Variants in CABLES1 observed in about 807,000 individuals in gnomAD.
CABLES1 encodes the protein Cdk5 and Abl enzyme substrate 1, also known as CDK5 and ABL1 enzyme substrate 1.
CABLES1 carries 36 observed loss-of-function variants against 57.8 expected under a neutral mutation model. The ratio of observed to expected loss-of-function variants is 0.62; its 90% confidence interval spans 0.48 to 0.82. CABLES1 has a LOEUF of 0.82. Ranked by LOEUF, CABLES1 falls within the 40% of genes least tolerant of loss-of-function variation. The probability of loss-of-function intolerance (pLI) is 0.00; values close to 1 mark genes in which losing one functional copy is unlikely to be tolerated. For missense variants in CABLES1, 767 were observed against 836.6 expected (o/e 0.92, Z 1.03); for synonymous variants, 374 against 363.0 (o/e 1.03, Z -0.35).
chr18:23,217,997 T>C (rs757566425), intron 4 of CABLES1, among the ~76,000 whole-genome samples: 2 of 152,222 alleles, frequency 1.3e-5, no homozygotes, highest in African/African-American at 2.4e-5. Context: ...CATGTTTCCA[T>C]TGTACTCATG....
chr18:23,239,196 A>G (rs1484706862), intron 7 of CABLES1, among the ~76,000 whole-genome samples: 2 of 152,222 alleles, frequency 1.3e-5, no homozygotes, highest in Admixed American at 1.3e-4. Flanking sequence ...ACTGTGCTAG[A>G]AGACTTGCCA....
intron 1 of CABLES1, among the ~76,000 whole-genome samples, chr18:23,174,460 G>A (rs2047105894): frequency 6.6e-6 from 1 of 151,648 alleles, no homozygotes; most frequent in Non-Finnish European, 1.5e-5. Context: ...GGTCATATGG[G>A]GTGACTCTGT....
intron 9 of CABLES1, among the ~76,000 whole-genome samples, chr18:23,254,434 C>T (rs2048114715): frequency 6.6e-6 from 1 of 152,162 alleles, no homozygotes; most frequent in Non-Finnish European, 1.5e-5. Flanking sequence ...TACATGAATG[C>T]CTGTTTTAGA....
intron 1 of CABLES1, among the ~76,000 whole-genome samples, chr18:23,161,698 C>T (rs1037387716): frequency 1.4e-5 from 2 of 143,836 alleles, no homozygotes; most frequent in Non-Finnish European, 3.0e-5. Context: ...ATCACAAGGT[C>T]AGGAGATCGA....
chr18:23,152,443 T>C (rs760251461), intron 1 of CABLES1, among the ~76,000 whole-genome samples: 4 of 152,174 alleles, frequency 2.6e-5, no homozygotes, highest in Non-Finnish European at 5.9e-5. Context: ...GAGAATGATA[T>C]TTATGGTTAG....
intron 3 of CABLES1, 141 bp downstream of exon 3, chr18:23,194,681 G>C: frequency 3.2e-6 from 2 of 616,008 alleles, no homozygotes; most frequent in South Asian, 4.0e-5. Flanking sequence ...AACCTTCCCC[G>C]ACAATTTCCA....
intron 2 of CABLES1, among the ~76,000 whole-genome samples, chr18:23,189,931 G>A (rs1033437022): frequency 1.3e-5 from 2 of 152,230 alleles, no homozygotes; most frequent in African/African-American, 2.4e-5. Flanking sequence ...GGAAGTGTCC[G>A]GCAACTGTGA....
At chr18:23,222,107 A>AGGT in intron 4 of CABLES1, among the ~76,000 whole-genome samples, 2 of 152,244 alleles carry the variant, frequency 1.3e-5, no homozygotes, top group Admixed American at 1.3e-4. Flanking sequence ...GGTCCCCCAG[A>AGGT]CTTAACAGAA....
In CABLES1 at chr18:23,253,728, G is replaced by T. The variant is rs1347065143; in HGVS notation, c.1554-1G>T. On this transcript the variant is annotated splice_acceptor_variant, in intron 8 of 9. Coordinates refer to ENST00000256925, the MANE Select transcript of CABLES1 (RefSeq NM_001100619.3). LOFTEE classifies it high-confidence loss of function. ...GTTCCCTCTTGCCTGTCTTTCTCCAGTCTGAAACGAGAGATGCGGAAGCTT... is the reference window on the plus strand; with the variant it reads ...GTTCCCTCTTGCCTGTCTTTCTCCATTCTGAAACGAGAGATGCGGAAGCTT... 1 of 1,613,844 alleles carries T rather than the reference G, an allele frequency of 6.2e-7. No individual in the cohort carries two copies. The highest frequency in any genetic ancestry group is 1.1e-5 in the South Asian group (1 of 91,058).
At chr18:23,167,374 CTGTT>C (rs1391242976) in intron 1 of CABLES1, among the ~76,000 whole-genome samples, 2 of 152,250 alleles carry the variant, frequency 1.3e-5, no homozygotes, top group Admixed American at 1.3e-4. Context: ...TTTTCAAAAG[CTGTT>C]TGGAAATTCA....
chr18:23,194,395 T>G (rs1251480775), intron 2 of CABLES1, 53 bp from the exon 3 acceptor site: 8 of 1,154,368 alleles, frequency 6.9e-6, no homozygotes, highest in African/African-American at 1.5e-5. Flanking sequence ...TGGAGACGTC[T>G]CAGCTGTCCA....
intron 1 of CABLES1, among the ~76,000 whole-genome samples, chr18:23,153,595 G>A (rs770297887): frequency 7.9e-5 from 12 of 152,008 alleles, no homozygotes; most frequent in African/African-American, 2.7e-4. Context: ...GTAACCAGGC[G>A]TGGTGACACA....
chr18:23,233,917 A>G (rs2047583607), intron 4 of CABLES1, among the ~76,000 whole-genome samples: 1 of 152,108 alleles, frequency 6.6e-6, no homozygotes, highest in South Asian at 2.1e-4. Context: ...GGTCTCATGC[A>G]GCATTAGAAA....
intron 7 of CABLES1, among the ~76,000 whole-genome samples, chr18:23,246,266 A>G (rs571379005): frequency 1.4e-5 from 1 of 71,608 alleles, no homozygotes; most frequent in East Asian, 2.3e-4. Context: ...ACTCCATCTC[A>G]AAAAAAAAAA....
chr18:23,245,443 G>A (rs1030083540), intron 7 of CABLES1, among the ~76,000 whole-genome samples: 58 of 151,516 alleles, frequency 3.8e-4, no homozygotes, highest in Admixed American at 3.4e-3. Flanking sequence ...CCCGGGAGGC[G>A]GAAGTTGCAG....
chr18:23,213,148 A>G (rs1179090283), intron 3 of CABLES1, among the ~76,000 whole-genome samples: 2 of 152,208 alleles, frequency 1.3e-5, no homozygotes, highest in Non-Finnish European at 2.9e-5. Flanking sequence ...TGCATGTAGT[A>G]GTAGAACCAT....
At chr18:23,226,609 T>C (rs1214526108) in intron 4 of CABLES1, among the ~76,000 whole-genome samples, 1 of 152,148 alleles carries the variant, frequency 6.6e-6, no homozygotes, top group East Asian at 1.9e-4. Context: ...ACTGCATCAA[T>C]GAAAAATGCA....
chr18:23,258,171 T>C lies in CABLES1; in HGVS notation c.*804T>C, dbSNP rs2048211842. 1 of 152,464 alleles carries C rather than the reference T, an allele frequency of 6.6e-6. No homozygotes were observed. The highest frequency in any genetic ancestry group is 1.5e-5 in the Non-Finnish European group (1 of 68,056). The allele number at this position is 152,464 out of a possible 1,614,324, so 9.4% of individuals were successfully genotyped here. A position where few individuals can be genotyped will look rare whatever the true frequency, so the allele number is the denominator to read the frequency against. On this transcript the variant is annotated 3_prime_UTR_variant, in exon 10 of 10. Coordinates refer to ENST00000256925, the MANE Select transcript of CABLES1 (RefSeq NM_001100619.3). ...TGGAAGGACGTGGAGCGTGGCGCTC[T>C]GTAACTTCCTGCCGTCTGCCACCCC...
intron 1 of CABLES1, among the ~76,000 whole-genome samples, chr18:23,166,449 C>A (rs2047043203): frequency 1.3e-5 from 2 of 152,148 alleles, no homozygotes; most frequent in South Asian, 2.1e-4. Flanking sequence ...GTGATCTGCC[C>A]ACCTTGGCCT....
Sources: gnomAD v4.1 joint callset for allele counts (sites outside exome capture counted in the v4.1 genomes callset) on GRCh38, gnomAD v4.1.1 for gene constraint, MANE v1.5 for transcripts, NCBI Gene and HGNC (gene_info 2026-07-23, HGNC 2026-07-21) for gene names.